The following C17orf99 variants were observed in gnomAD, a reference collection of about 807,000 sequenced individuals.
The protein encoded by C17orf99 is protein IL-40.
In C17orf99, 18 loss-of-function variants were observed where a neutral mutation model predicts 22.6. The observed-to-expected ratio is 0.80, with a 90% CI of 0.55 to 1.18. The LOEUF (loss-of-function observed/expected upper bound fraction) is 1.18, where lower values mean the gene tolerates loss of function less well. Ranked by LOEUF, C17orf99 falls within the 50% of genes most tolerant of loss-of-function variation. The pLI, the probability that C17orf99 is intolerant of heterozygous loss-of-function variation, is 0.00. For missense variants in C17orf99, 328 were observed against 342.7 expected (o/e 0.96, Z 0.34); for synonymous variants, 147 against 136.6 (o/e 1.08, Z -0.53).
chr17:78,146,344 G>T, upstream of C17orf99: 1 of 1,477,044 alleles, frequency 6.8e-7, no homozygotes, highest in Admixed American at 2.0e-5. The surrounding 1 kb of genome is among the most constrained non-coding windows in gnomAD (Gnocchi z 5.2). Flanking sequence ...GGGCCTCAGG[G>T]TGGGGGAGGC....
chr17:78,164,142 G>C lies in C17orf99; in HGVS notation c.418G>C (p.Ala140Pro). 1 of 1,551,702 alleles carries C rather than the reference G, an allele frequency of 6.4e-7. No homozygotes were observed. The change falls in exon 4 of 5, where the codon GCA (alanine) becomes CCA (proline). Residue 140 changes from alanine (A) to proline (P), a missense_variant. Coordinates refer to ENST00000340363, the MANE Select transcript of C17orf99 (RefSeq NM_001163075.2). ...CAACTTCACTCTGCAGGACAGAGGG[G>C]CAGGCCCCAGGGTGGAGATGATCTG... is the stretch of plus-strand genomic sequence containing the variant. ...RANFTLQDRG[A>P]GPRVEMICQA...
chr17:78,153,606 A>G (rs1208732496), intron 2 of C17orf99, among the ~76,000 whole-genome samples: 2 of 152,208 alleles, frequency 1.3e-5, no homozygotes, highest in East Asian at 3.8e-4. Context: ...GAAGAGAGAG[A>G]AGTTTTTCTT....
At chr17:78,157,242 C>T (rs1355420574) in intron 2 of C17orf99, among the ~76,000 whole-genome samples, 1 of 148,390 alleles carries the variant, frequency 6.7e-6, no homozygotes, top group Non-Finnish European at 1.5e-5. Context: ...GAGGCGGGCG[C>T]ATCATGAGGT....
At chr17:78,159,702 G>A (rs983816424) in intron 2 of C17orf99, among the ~76,000 whole-genome samples, 6 of 151,414 alleles carry the variant, frequency 4.0e-5, no homozygotes, top group Admixed American at 6.6e-5. Flanking sequence ...AGGAAACCCC[G>A]TATCTATTAG....
intron 2 of C17orf99, chr17:78,157,919 G>A: frequency 1.7e-6 from 2 of 1,163,110 alleles, no homozygotes; most frequent in Non-Finnish European, 2.5e-6. Flanking sequence ...GGTCCACCTG[G>A]TTGGTACTGA....
At chr17:78,165,042 C>A (rs62079088) in intron 4 of C17orf99, 137,853 of 1,071,478 alleles carry the variant, frequency 0.13, 9,253 homozygotes, top group Middle Eastern at 0.25. Context: ...TGAGAACCAC[C>A]TTGGGCAGTC....
chr17:78,155,124 A>AT (rs771330920), intron 2 of C17orf99, among the ~76,000 whole-genome samples: 4,539 of 104,570 alleles, frequency 0.043, 262 homozygotes, highest in East Asian at 0.29. Context: ...AGCAACCCCT[A>AT]TTTTTTTTTT....
intron 2 of C17orf99, among the ~76,000 whole-genome samples, chr17:78,155,649 C>T (rs940595823): frequency 8.6e-5 from 13 of 151,618 alleles, no homozygotes; most frequent in East Asian, 1.9e-4. Context: ...TTTTTTGAGA[C>T]GGAGTCTTGC....
chr17:78,147,576 TCCCTCCCCTC>T (rs200275902), intron 2 of C17orf99, among the ~76,000 whole-genome samples: 5,460 of 152,026 alleles, frequency 0.036, 322 homozygotes, highest in African/African-American at 0.12. Context: ...GCCCCATCCT[TCCCTCCCCTC>T]CCCTCATGTC....
At chr17:78,165,314 A>G in intron 4 of C17orf99, 2 of 985,750 alleles carry the variant, frequency 2.0e-6, no homozygotes, top group Non-Finnish European at 2.4e-6. Context: ...CTCTACCAGG[A>G]GTCTGTCCTT....
chr17:78,146,214 A>C, upstream of C17orf99: 1 of 528,882 alleles, frequency 1.9e-6, no homozygotes, highest in Non-Finnish European at 3.4e-6. The surrounding 1 kb of genome is among the most constrained non-coding windows in gnomAD (Gnocchi z 5.2). Context: ...ATTGAGGGGG[A>C]GTTTGCTGTA....
upstream of C17orf99, among the ~76,000 whole-genome samples, chr17:78,145,886 C>T (rs1226403741): frequency 6.6e-6 from 1 of 151,412 alleles, no homozygotes; most frequent in Non-Finnish European, 1.5e-5. Context: ...ACCTCCGCCT[C>T]CTGGGTTCAA....
chr17:78,152,834 C>T (rs895593806), intron 2 of C17orf99, among the ~76,000 whole-genome samples: 10 of 151,946 alleles, frequency 6.6e-5, no homozygotes, highest in African/African-American at 2.4e-4. Flanking sequence ...ATAATCCCAG[C>T]ACTTTGGAAG....
At chr17:78,153,518 ACAGTG>A (rs2075501793) in intron 2 of C17orf99, among the ~76,000 whole-genome samples, 1 of 152,252 alleles carries the variant, frequency 6.6e-6, no homozygotes, top group African/African-American at 2.4e-5. Flanking sequence ...TGTCCCTGGT[ACAGTG>A]TACTTTCAAA....
Position 78,164,261 on chromosome 17 carries a change from T to G in C17orf99, c.537T>G (p.Pro179=). ...AGCAGAGACCATGCCACAGGCAGCC[T>G]GCCAACTTCTCCTTCCTGCCGAGCC... The part of the protein sequence containing the change: ...HLQQRPCHRQ[P]ANFSFLPSQT... Residue 179 remains proline (P), a synonymous_variant, in exon 4 of 5, where the codon CCT becomes CCG. Coordinates refer to ENST00000340363, the MANE Select transcript of C17orf99 (RefSeq NM_001163075.2). 1 of 1,551,494 alleles carries G rather than the reference T, an allele frequency of 6.4e-7. No individual in the cohort carries two copies. Among genetic ancestry groups the G allele is most frequent in the Non-Finnish European group, 8.7e-7 (1 of 1,147,012 alleles).
chr17:78,149,155 A>G (rs1486618317), intron 2 of C17orf99, among the ~76,000 whole-genome samples: 1 of 151,934 alleles, frequency 6.6e-6, no homozygotes, highest in Non-Finnish European at 1.5e-5. Flanking sequence ...AATATGGTGA[A>G]ACCCAGTCTC....
chr17:78,163,564 C>A (rs534290891), intron 3 of C17orf99, among the ~76,000 whole-genome samples: 1 of 152,268 alleles, frequency 6.6e-6, no homozygotes, highest in African/African-American at 2.4e-5. Flanking sequence ...ATCTGAAATA[C>A]GCTACACAAG....
intron 4 of C17orf99, chr17:78,164,739 A>G: frequency 1.5e-6 from 2 of 1,316,706 alleles, no homozygotes; most frequent in Non-Finnish European, 2.0e-6. Flanking sequence ...CCCTGGCTGC[A>G]GAGCTCAGGT....
chr17:78,154,484 G>T (rs2075510127), intron 2 of C17orf99, among the ~76,000 whole-genome samples: 1 of 151,970 alleles, frequency 6.6e-6, no homozygotes, highest in African/African-American at 2.4e-5. Context: ...GGAGGCAGAG[G>T]TTGCAGTGAG....
Sources: allele counts gnomAD v4.1 joint callset (sites outside exome capture counted in the v4.1 genomes callset), GRCh38; gene constraint gnomAD v4.1.1; non-coding constraint Gnocchi (gnomAD v3.1); transcripts MANE v1.5; gene names NCBI Gene and HGNC (gene_info 2026-07-23, HGNC 2026-07-21).